AASS: variants seen among roughly 807,000 people sequenced by gnomAD.
The protein encoded by AASS is aminoadipate-semialdehyde synthase, also known as alpha-aminoadipic semialdehyde synthase, mitochondrial.
Under a neutral mutation model 105.4 loss-of-function variants are expected in AASS, and 86 were observed. The observed-to-expected ratio is 0.82, with a 90% confidence interval of 0.69 to 0.98. The LOEUF (loss-of-function observed/expected upper bound fraction) is 0.98. Ranked by LOEUF, AASS falls within the 50% of genes least tolerant of loss-of-function variation. The pLI is 0.00. For missense variants in AASS, 1,048 were observed against 1,143.2 expected (o/e 0.92, Z 1.20); for synonymous variants, 381 against 394.8 (o/e 0.96, Z 0.41).
At position 122,116,908 on chromosome 7, in the gene AASS, T is replaced by C. The variant is rs373689700; in HGVS notation, c.737A>G (p.His246Arg). 3.7e-6 allele frequency: 6 copies of C among 1,613,962 alleles called. No homozygotes were observed. The highest frequency in any genetic ancestry group is 1.3e-5 in the African/African-American group (1 of 74,938). ...NELPCEYVEPHELKEVSQTGD... is the reference protein window; with the variant it reads ...NELPCEYVEPRELKEVSQTGD... ...AGTTTGGGAAACTTCTTTTAATTCA[T>C]GGGGCTCCACATATTCACAAGGTAG... Residue 246 changes from histidine (H) to arginine (R), a missense_variant, in exon 7 of 24, where the codon CAT becomes CGT. Physicochemically the swap from His to Arg is conservative, Grantham distance 29 (BLOSUM62 0). Coordinates refer to ENST00000417368, the MANE Select transcript of AASS (RefSeq NM_005763.4).
intron 15 of AASS, among the ~76,000 whole-genome samples, chr7:122,094,666 T>C (rs554876083): frequency 3.3e-5 from 5 of 152,332 alleles, no homozygotes; most frequent in Admixed American, 3.3e-4. Context: ...CTTGTGATTA[T>C]GCAGACCCAG....
intron 2 of AASS, among the ~76,000 whole-genome samples, chr7:122,130,660 A>C (rs1795867034): frequency 3.9e-5 from 6 of 152,002 alleles, no homozygotes; most frequent in Admixed American, 2.6e-4. Context: ...GTATAACCCA[A>C]GCAGAATTAA....
chr7:122,104,485 A>G (rs943234607), intron 11 of AASS, among the ~76,000 whole-genome samples: 1 of 152,034 alleles, frequency 6.6e-6, no homozygotes, highest in Non-Finnish European at 1.5e-5. Context: ...AATCCCATCT[A>G]CTGGGGAAGC....
At chr7:122,092,354 TA>T (rs1793944810) in intron 17 of AASS, among the ~76,000 whole-genome samples, 2 of 152,164 alleles carry the variant, frequency 1.3e-5, no homozygotes, top group Admixed American at 1.3e-4. Context: ...CAAGGTAGTC[TA>T]AAATTTGTAT....
In AASS at chr7:122,098,823, A is replaced by C; in HGVS notation, c.1450T>G (p.Leu484Val). ...SLSMGTRRKV[L>V]VLGSGYISEP... The stretch of plus-strand genomic sequence containing the variant: ...GATATGTAGCCAGATCCAAGAACCA[A>C]AACCTTTCTCCTGGTGCCCATTGAA... The change falls in exon 14 of 24, where the codon TTG becomes GTG. Residue 484 changes from leucine (L) to valine (V), a missense_variant. Leu to Val is a conservative substitution (Grantham distance 32). Transcript: ENST00000417368. 1 of 1,607,628 alleles carries C rather than the reference A, an allele frequency of 6.2e-7. No individual in the cohort carries two copies. Among genetic ancestry groups the C allele is most frequent in the South Asian group, 1.1e-5 (1 of 89,876 alleles).
intron 4 of AASS, among the ~76,000 whole-genome samples, chr7:122,121,090 G>A (rs1334229980): frequency 6.6e-6 from 1 of 151,332 alleles, no homozygotes; most frequent in African/African-American, 2.4e-5. Flanking sequence ...CCTTTTTCTT[G>A]TATTTTTGCT....
At position 122,076,334 on chromosome 7, in the gene AASS, T is replaced by C. The variant is rs79387449; in HGVS notation, c.*155A>G. ...GCATCTCCTGTTCCAAACATTTCCA[T>C]ATTAAAATAAAGATTTATAGTTCAA... On this transcript the variant is annotated 3_prime_UTR_variant, in exon 24 of 24. Transcript: ENST00000417368. The C allele has an allele frequency of 1.7e-3, 1,060 of 638,058 alleles. 4 individuals carry two copies. Among genetic ancestry groups the C allele is most frequent in the South Asian group, 2.9e-3 (156 of 53,120 alleles). 39.5% of individuals were successfully genotyped at this position (638,058 alleles called of 1,614,324 possible).
intron 10 of AASS, 50 bp from the exon 11 acceptor site, chr7:122,113,279 G>C (rs768571671): frequency 9.2e-6 from 14 of 1,523,414 alleles, no homozygotes; most frequent in Non-Finnish European, 1.2e-5. Context: ...TTATTTGTAA[G>C]TTCTGACTTT....
rs1053582272 is a variant in AASS, at chr7:122,075,775, C to A, written c.*714G>T. The stretch of plus-strand genomic sequence containing the variant: ...AGAAAACTATAAGGAACTATATTTA[C>A]AAAATAAATCATAACTTTACAAAAA... On this transcript the variant is annotated 3_prime_UTR_variant, in exon 24 of 24. Transcript: ENST00000417368. 8 of 151,876 alleles carry A rather than the reference C, an allele frequency of 5.3e-5. No individual in the cohort carries two copies. Among genetic ancestry groups the A allele is most frequent in the African/African-American group, 1.9e-4 (8 of 41,348 alleles). The allele number at this position is 151,876 out of a possible 1,614,324, so 9.4% of individuals were successfully genotyped here. A position where few individuals can be genotyped will look rare whatever the true frequency, so the allele number is the denominator to read the frequency against.
chr7:122,140,877 T>TA (rs543836575), intron 1 of AASS, among the ~76,000 whole-genome samples: 7,257 of 126,858 alleles, frequency 0.057, 373 homozygotes, highest in African/African-American at 0.15. Context: ...TCCAAGTAAC[T>TA]AAAAAAAAAA....
At chr7:122,134,045 G>A (rs1796033218) in intron 1 of AASS, among the ~76,000 whole-genome samples, 1 of 152,124 alleles carries the variant, frequency 6.6e-6, no homozygotes, top group Non-Finnish European at 1.5e-5. Flanking sequence ...CGGCACAAAA[G>A]TTTTAAACAA....
chr7:122,100,133 C>T (rs1170257877), intron 13 of AASS, among the ~76,000 whole-genome samples: 1 of 151,826 alleles, frequency 6.6e-6, no homozygotes, highest in African/African-American at 2.4e-5. Flanking sequence ...CAAAATGCAA[C>T]CTTTGTTATC....
chr7:122,118,247 C>G (rs1795279477), intron 6 of AASS, 60 bp downstream of exon 6: 5 of 1,593,998 alleles, frequency 3.1e-6, no homozygotes, highest in Middle Eastern at 1.7e-4. Flanking sequence ...CTGCCCACAT[C>G]ATTTGGGTTA....
At chr7:122,124,616 A>G (rs1325684636) in intron 4 of AASS, among the ~76,000 whole-genome samples, 2 of 152,090 alleles carry the variant, frequency 1.3e-5, no homozygotes, top group East Asian at 1.9e-4. Flanking sequence ...TAGCACTAGC[A>G]TTGTATTTGT....
At chr7:122,129,721 G>C (rs1056897911) in intron 2 of AASS, among the ~76,000 whole-genome samples, 184 bp from the exon 3 acceptor site, 1 of 152,038 alleles carries the variant, frequency 6.6e-6, no homozygotes. Flanking sequence ...AATCTATCAT[G>C]TCAACTCTTA....
At chr7:122,129,977 A>C (rs1010358427) in intron 2 of AASS, among the ~76,000 whole-genome samples, 1 of 152,120 alleles carries the variant, frequency 6.6e-6, no homozygotes, top group Non-Finnish European at 1.5e-5. Context: ...TACTATCCTT[A>C]CTGTACATTA....
chr7:122,142,021 A>G (rs931814750), intron 1 of AASS, among the ~76,000 whole-genome samples: 4 of 152,216 alleles, frequency 2.6e-5, no homozygotes, highest in Non-Finnish European at 4.4e-5. Context: ...AAGAGTGGAC[A>G]TTCACCTAAG....
chr7:122,076,740 T>G, intron 23 of AASS, 133 bp from the exon 24 acceptor site: 1 of 724,304 alleles, frequency 1.4e-6, no homozygotes, highest in South Asian at 1.5e-5. Flanking sequence ...TTTAAGTAGC[T>G]GCTTAAAAAC....
chr7:122,086,188 C>T lies in AASS; in HGVS notation c.2017-9G>A. The T allele has an allele frequency of 6.2e-7, 1 of 1,612,728 alleles. No homozygotes were observed. The highest frequency in any genetic ancestry group is 1.1e-5 in the South Asian group (1 of 90,930). ...CCTGCAACATTCACAACCTGAGGAA[C>T]ATTGAGAAGGCACACATGGGGTTAC... On this transcript the variant is annotated splice_polypyrimidine_tract_variant and intron_variant, in intron 18 of 23. Transcript: ENST00000417368.
Sources: gnomAD v4.1 joint callset for allele counts (sites outside exome capture counted in the v4.1 genomes callset) on GRCh38, gnomAD v4.1.1 for gene constraint, MANE v1.5 for transcripts, NCBI Gene and HGNC (gene_info 2026-07-23, HGNC 2026-07-21) for gene names.